HS3ST4: variants seen among roughly 807,000 people sequenced by gnomAD.
The protein encoded by HS3ST4 is heparan sulfate-glucosamine 3-sulfotransferase 4, also known as heparan sulfate glucosamine 3-O-sulfotransferase 4.
Under a neutral mutation model 29.2 loss-of-function variants are expected in HS3ST4, and 17 were observed. That is an observed-to-expected ratio of 0.58 (90% CI 0.40 to 0.87). The LOEUF (loss-of-function observed/expected upper bound fraction) is 0.87. HS3ST4 is among the 40% of genes least tolerant of loss of function. The pLI, the probability that HS3ST4 is intolerant of heterozygous loss-of-function variation, is 0.00. For synonymous variants in HS3ST4, 314 were observed against 285.7 expected (o/e 1.10, Z -1.00); for missense variants, 627 against 634.5 (o/e 0.99, Z 0.13).
In HS3ST4 at chr16:25,747,789, G is replaced by A. The variant is rs74014841; in HGVS notation, c.734+54638G>A. Among the ~76,000 whole-genome samples the A allele has an allele frequency of 3.3e-3, 497 of 152,262 alleles. 2 individuals carry two copies. Among genetic ancestry groups the A allele is most frequent in the African/African-American group, 0.011 (459 of 41,548 alleles). On this transcript the variant is annotated intron_variant, in intron 1 of 1. Transcript: ENST00000331351. ...TTTTCTCTAGCATTGCAGACAATTCGTAGTTGGAGTCTTACTAGAGCAAAC... is the reference window on the plus strand; with the variant it reads ...TTTTCTCTAGCATTGCAGACAATTCATAGTTGGAGTCTTACTAGAGCAAAC...
chr16:26,113,278 C>T (rs1899156672), intron 1 of HS3ST4, among the ~76,000 whole-genome samples: 1 of 151,990 alleles, frequency 6.6e-6, no homozygotes, highest in Admixed American at 6.6e-5. Context: ...AACTCCGTCT[C>T]TACTAAAAAT....
At chr16:25,741,510 C>G (rs1966653142) in intron 1 of HS3ST4, among the ~76,000 whole-genome samples, 1 of 151,604 alleles carries the variant, frequency 6.6e-6, no homozygotes, top group Non-Finnish European at 1.5e-5. Context: ...AATTCATTTG[C>G]TTTAAAAAAG....
rs185313932 is a variant in HS3ST4 at position 25,765,604 on chromosome 16, G to A, written c.734+72453G>A. ...CTCAGCTAAGGGCTGTGACAATCTC[G>A]GAGCCTCTTTTATGCCCTGCCTGGG... is the stretch of plus-strand genomic sequence containing the variant. On this transcript the variant is annotated intron_variant, in intron 1 of 1. Coordinates refer to ENST00000331351, the MANE Select transcript of HS3ST4 (RefSeq NM_006040.3). 2.3e-3 allele frequency among the ~76,000 whole-genome samples: 351 copies of A among 152,220 alleles called. 2 individuals are homozygous for A. The highest frequency in any genetic ancestry group is 8.0e-3 in the African/African-American group (332 of 41,522).
intron 1 of HS3ST4, among the ~76,000 whole-genome samples, chr16:26,112,520 A>T (rs532765772): frequency 6.6e-6 from 1 of 151,730 alleles, no homozygotes; most frequent in Admixed American, 6.6e-5. Flanking sequence ...TAGCTATGAG[A>T]TAAAAAATAA....
At chr16:25,837,108 G>A (rs919752174) in intron 1 of HS3ST4, among the ~76,000 whole-genome samples, 2 of 152,218 alleles carry the variant, frequency 1.3e-5, no homozygotes, top group Admixed American at 6.5e-5. Flanking sequence ...GGAGTTAGGC[G>A]ATGGCAGATC....
intron 1 of HS3ST4, among the ~76,000 whole-genome samples, chr16:25,821,533 C>G (rs921873601): frequency 6.6e-6 from 1 of 152,092 alleles, no homozygotes; most frequent in Admixed American, 6.5e-5. Flanking sequence ...TGATCATTTT[C>G]TTTTTAAAGC....
chr16:25,950,745 C>T (rs1253703839), intron 1 of HS3ST4, among the ~76,000 whole-genome samples: 2 of 152,088 alleles, frequency 1.3e-5, no homozygotes, highest in South Asian at 4.1e-4. Context: ...CAGACTTGCA[C>T]AGCATGTTGC....
At chr16:25,781,672 A>G (rs1224638710) in intron 1 of HS3ST4, among the ~76,000 whole-genome samples, 4 of 152,198 alleles carry the variant, frequency 2.6e-5, no homozygotes, top group Non-Finnish European at 5.9e-5. Context: ...AAGACCCCAC[A>G]GCTGGTATGT....
At chr16:25,932,328 C>T (rs1056907154) in intron 1 of HS3ST4, among the ~76,000 whole-genome samples, 1 of 152,126 alleles carries the variant, frequency 6.6e-6, no homozygotes, top group Non-Finnish European at 1.5e-5. Flanking sequence ...AAGAAATGTT[C>T]ATCTCTCTGC....
chr16:25,747,533 C>T (rs1039702299), intron 1 of HS3ST4, among the ~76,000 whole-genome samples: 4 of 152,228 alleles, frequency 2.6e-5, no homozygotes, highest in African/African-American at 9.7e-5. Flanking sequence ...ATAGCTTCAG[C>T]ATTTCCTCAT....
intron 1 of HS3ST4, among the ~76,000 whole-genome samples, chr16:26,094,007 G>A (rs140562829): frequency 0.015 from 2,243 of 152,178 alleles, 47 homozygotes; most frequent in African/African-American, 0.05. Flanking sequence ...TGGAAGAAAG[G>A]GTATCAGTGA....
chr16:25,844,397 A>G (rs571978134), intron 1 of HS3ST4, among the ~76,000 whole-genome samples: 1 of 152,356 alleles, frequency 6.6e-6, no homozygotes, highest in African/African-American at 2.4e-5. Flanking sequence ...TTAAAACAAC[A>G]TATCTTGGCC....
At chr16:25,958,238 G>A (rs570710426) in intron 1 of HS3ST4, among the ~76,000 whole-genome samples, 7 of 152,306 alleles carry the variant, frequency 4.6e-5, no homozygotes, top group African/African-American at 1.4e-4. Flanking sequence ...TCTTTGCTGC[G>A]TAAGAAATCA....
intron 1 of HS3ST4, among the ~76,000 whole-genome samples, chr16:25,696,567 C>G (rs1966298950): frequency 6.6e-6 from 1 of 151,816 alleles, no homozygotes; most frequent in Admixed American, 6.6e-5. Context: ...GGCGCAATCT[C>G]GTCTCACTGC....
In HS3ST4 at chr16:25,833,588, A is replaced by G. The variant is rs1176356997; in HGVS notation, c.734+140437A>G. 2.0e-5 allele frequency among the ~76,000 whole-genome samples: 3 copies of G among 152,138 alleles called. No homozygotes were observed. In the East Asian group the frequency reaches 5.8e-4, roughly 29 times the overall value. The stretch of plus-strand genomic sequence containing the variant: ...CTGATGTTATTATTACTATTGCTCT[A>G]TGAATTGGAGCCAGTAATGCTTGCA... On this transcript the variant is annotated intron_variant, in intron 1 of 1. Coordinates refer to ENST00000331351, the MANE Select transcript of HS3ST4 (RefSeq NM_006040.3).
intron 1 of HS3ST4, among the ~76,000 whole-genome samples, chr16:25,927,706 TC>T (rs1216456119): frequency 6.6e-6 from 1 of 151,282 alleles, no homozygotes; most frequent in Non-Finnish European, 1.5e-5. Flanking sequence ...TTTTTTTTTT[TC>T]CCCGATTTTT....
rs544879276 is a variant in HS3ST4 at position 26,120,237 on chromosome 16, C to G, written c.735-15375C>G. On this transcript the variant is annotated intron_variant, in intron 1 of 1. Coordinates refer to ENST00000331351, the MANE Select transcript of HS3ST4 (RefSeq NM_006040.3). Reference sequence around the variant, plus strand: ...TTTTCTGTCTATCCATCATTTCTCCCTCTGTTATATGATCAGACTGATTGG... The same window carrying G: ...TTTTCTGTCTATCCATCATTTCTCCGTCTGTTATATGATCAGACTGATTGG... Among the ~76,000 whole-genome samples, 267 of 152,308 alleles carry G rather than the reference C, an allele frequency of 1.8e-3. 2 individuals are homozygous for G. Among genetic ancestry groups the G allele is most frequent in the East Asian group, 4.1e-3 (21 of 5,184 alleles).
At chr16:26,001,634 A>C (rs7499363) in intron 1 of HS3ST4, among the ~76,000 whole-genome samples, 32,832 of 152,126 alleles carry the variant, frequency 0.22, 3,807 homozygotes, top group African/African-American at 0.29. Context: ...CCTGATTCAG[A>C]AAGAATTGAA....
chr16:26,028,662 T>TGCAGTTTATAA (rs373249662), intron 1 of HS3ST4, among the ~76,000 whole-genome samples: 3 of 152,320 alleles, frequency 2.0e-5, no homozygotes, highest in African/African-American at 7.2e-5. Flanking sequence ...GCAGCAACAA[T>TGCAGTTTATAA]GCAGTTTATA....
Sources: allele counts gnomAD v4.1 joint callset (sites outside exome capture counted in the v4.1 genomes callset), GRCh38; gene constraint gnomAD v4.1.1; transcripts MANE v1.5; gene names NCBI Gene and HGNC (gene_info 2026-07-23, HGNC 2026-07-21).